The following KDM4B variants were observed in gnomAD, a reference collection of about 807,000 sequenced individuals.
KDM4B encodes lysine-specific demethylase 4B.
Under a neutral mutation model 125.2 loss-of-function variants are expected in KDM4B, and 32 were observed. That is an observed-to-expected ratio of 0.26 (90% CI 0.19 to 0.34). KDM4B has a LOEUF of 0.34. KDM4B is among the 10% of genes least tolerant of loss of function. KDM4B has a pLI of 1.00. For synonymous variants in KDM4B, 721 were observed against 677.9 expected, an observed-to-expected ratio of 1.06 and a Z score of -0.99; for missense variants, 1,190 against 1,577.7, an observed-to-expected ratio of 0.75 and a Z score of 4.16.
chr19:5,107,355 G>T (rs911700622), intron 9 of KDM4B, among the ~76,000 whole-genome samples: 1 of 152,186 alleles, frequency 6.6e-6, no homozygotes, highest in African/African-American at 2.4e-5. Flanking sequence ...CTTATCTGTC[G>T]CGAGTGCTGA....
At chr19:5,116,214 A>G (rs1399605437) in intron 10 of KDM4B, among the ~76,000 whole-genome samples, 2 of 147,502 alleles carry the variant, frequency 1.4e-5, no homozygotes, top group East Asian at 3.9e-4. Flanking sequence ...CAGCCTGGGC[A>G]ACATAGCAAG....
chr19:5,128,902 C>T (rs1348657325), intron 11 of KDM4B, among the ~76,000 whole-genome samples: 8 of 150,356 alleles, frequency 5.3e-5, no homozygotes, highest in South Asian at 2.1e-4. Flanking sequence ...CGGATACCAG[C>T]GGAGGGGAAG....
At chr19:5,056,526 C>T (rs1383663426) in intron 6 of KDM4B, among the ~76,000 whole-genome samples, 1 of 152,020 alleles carries the variant, frequency 6.6e-6, no homozygotes, top group African/African-American at 2.4e-5. Flanking sequence ...CTGCCTCAGC[C>T]TCACGAGTAG....
At chr19:5,091,585 C>T (rs2038705781) in intron 9 of KDM4B, among the ~76,000 whole-genome samples, 1 of 152,164 alleles carries the variant, frequency 6.6e-6, no homozygotes, top group African/African-American at 2.4e-5. Flanking sequence ...AAACCCCAGC[C>T]CTGGGGTGTA....
chr19:5,089,498 A>G (rs1459343745), intron 9 of KDM4B, among the ~76,000 whole-genome samples: 1 of 151,962 alleles, frequency 6.6e-6, no homozygotes, highest in Non-Finnish European at 1.5e-5. Flanking sequence ...GGGCATGGAG[A>G]GATGAGCGCG....
intron 1 of KDM4B, among the ~76,000 whole-genome samples, chr19:4,996,955 G>A (rs1306856367): frequency 1.3e-5 from 2 of 151,784 alleles, no homozygotes; most frequent in Non-Finnish European, 2.9e-5. Context: ...CCCCCTAGTC[G>A]TGACAACCAC....
intron 10 of KDM4B, chr19:5,112,675 C>G (rs1310785531): frequency 6.6e-6 from 1 of 152,366 alleles, no homozygotes; most frequent in Admixed American, 6.5e-5. Context: ...GCATCTGTCT[C>G]GGCCTCCTCT....
chr19:5,016,022 C>T (rs2035882726), intron 1 of KDM4B, among the ~76,000 whole-genome samples: 1 of 152,238 alleles, frequency 6.6e-6, no homozygotes, highest in Non-Finnish European at 1.5e-5. Flanking sequence ...CTCCCGCTGC[C>T]TTGGCCCGTA....
chr19:5,049,553 C>T (rs963834616), intron 6 of KDM4B, among the ~76,000 whole-genome samples: 54 of 151,906 alleles, frequency 3.6e-4, no homozygotes, highest in African/African-American at 1.3e-3. Context: ...GCTCTAGCTG[C>T]AGGGCATGCC....
chr19:4,983,659 G>GT (rs1461032897), intron 1 of KDM4B, among the ~76,000 whole-genome samples: 1 of 152,190 alleles, frequency 6.6e-6, no homozygotes, highest in Non-Finnish European at 1.5e-5. Context: ...CTGAGGAGGT[G>GT]TTTCCGGGAA....
chr19:5,046,776 A>G (rs1396258317), intron 5 of KDM4B, among the ~76,000 whole-genome samples: 1 of 152,188 alleles, frequency 6.6e-6, no homozygotes, highest in Non-Finnish European at 1.5e-5. Flanking sequence ...CTCCGGTACC[A>G]TCGCTGGGTT....
chr19:5,093,428 C>T (rs991088960), intron 9 of KDM4B, among the ~76,000 whole-genome samples: 4 of 152,158 alleles, frequency 2.6e-5, no homozygotes, highest in South Asian at 2.1e-4. Context: ...GGAATGGCCC[C>T]GCAGCCGAAG....
At chr19:4,973,958 C>T (rs575070748) in intron 1 of KDM4B, among the ~76,000 whole-genome samples, 2 of 151,428 alleles carry the variant, frequency 1.3e-5, no homozygotes, top group Non-Finnish European at 2.9e-5. Flanking sequence ...GGTGAAACCT[C>T]GTCTCTTCTA....
chr19:5,111,676 G>A (rs2039149276), intron 10 of KDM4B: 2 of 728,848 alleles, frequency 2.7e-6, no homozygotes, highest in Non-Finnish European at 5.0e-6. Flanking sequence ...GAGCCCCTGA[G>A]CATGAGCTGG....
chr19:5,055,824 T>A (rs1188563334), intron 6 of KDM4B, among the ~76,000 whole-genome samples: 2 of 152,208 alleles, frequency 1.3e-5, no homozygotes, highest in Non-Finnish European at 2.9e-5. Context: ...CTGTTTTAGA[T>A]TCACTGAAAA....
rs576500632 is a variant in KDM4B, at chr19:5,090,721, G to C, written c.918+8217G>C. 5.6e-5 allele frequency among the ~76,000 whole-genome samples: 8 copies of C among 143,086 alleles called. No individual in the cohort carries two copies. In the South Asian group the frequency reaches 2.0e-3, roughly 36 times the overall value. The allele number at this position is 143,086 out of a possible 152,430, so 93.9% of individuals were successfully genotyped here. On this transcript the variant is annotated intron_variant, in intron 9 of 22. Transcript: ENST00000159111. ...GACTCTGGGCCTTGTCACCTTGGGA[G>C]GACCAGAGTAGTGCAGTGACTTTGC...
intron 11 of KDM4B, among the ~76,000 whole-genome samples, chr19:5,129,591 A>C (rs1452965889): frequency 6.6e-6 from 1 of 152,062 alleles, no homozygotes; most frequent in Non-Finnish European, 1.5e-5. Context: ...GGGGAGGTGG[A>C]GGTGGTGAAA....
rs757078628 is a variant in KDM4B at position 5,114,159 on chromosome 19, C to G, written c.1115+3341C>G. 7.8e-7 allele frequency: 1 copy of G among 1,289,768 alleles called. No homozygotes were observed. Among genetic ancestry groups the G allele is most frequent in the Non-Finnish European group, 1.0e-6 (1 of 988,852 alleles). 79.9% of individuals were successfully genotyped at this position (1,289,768 alleles called of 1,614,324 possible). A position where few individuals can be genotyped will look rare whatever the true frequency, so the allele number is the denominator to read the frequency against. The stretch of plus-strand genomic sequence containing the variant: ...CCCTCACAGTGCTCTCTGGCACCCA[C>G]GCGACGCTCCTCCATGCAAACTCTT... On this transcript the variant is annotated intron_variant, in intron 10 of 22. Transcript: ENST00000159111. The surrounding 1 kb of genome is among the most constrained non-coding windows in gnomAD (Gnocchi z 5.8).
intron 9 of KDM4B, among the ~76,000 whole-genome samples, chr19:5,094,941 G>A (rs144076849): frequency 6.6e-4 from 100 of 152,280 alleles, no homozygotes; most frequent in African/African-American, 2.2e-3. Context: ...TCCTGTCACC[G>A]TGCAGCTGAT....
Sources: allele counts gnomAD v4.1 joint callset (sites outside exome capture counted in the v4.1 genomes callset), GRCh38; gene constraint gnomAD v4.1.1; non-coding constraint Gnocchi (gnomAD v3.1); transcripts MANE v1.5; gene names NCBI Gene and HGNC (gene_info 2026-07-23, HGNC 2026-07-21).